Variants in GGCX observed in about 807,000 individuals in gnomAD.
GGCX encodes the protein gamma-glutamyl carboxylase.
A neutral mutation model predicts 88.5 loss-of-function variants in GGCX; 63 were observed. That is an observed-to-expected ratio of 0.71 (90% CI 0.58 to 0.88). GGCX has a LOEUF of 0.88. Among genes scored for constraint, GGCX ranks in the 40% least tolerant of loss-of-function variants. The pLI, the probability that GGCX is intolerant of heterozygous loss-of-function variation, is 0.00. For synonymous variants in GGCX, 368 were observed against 365.8 expected, an observed-to-expected ratio of 1.01 and a Z score of -0.07; for missense variants, 805 against 932.9, an observed-to-expected ratio of 0.86 and a Z score of 1.79.
chr2:85,554,025 C>G, intron 7 of GGCX, 118 bp downstream of exon 7: 1 of 816,414 alleles, frequency 1.2e-6, no homozygotes, highest in Non-Finnish European at 2.2e-6. Flanking sequence ...TAGTGACTGC[C>G]CTGGGTTCAA....
chr2:85,551,838 TCA>T lies in GGCX; in HGVS notation c.1581_1582del (p.Glu528GlyfsTer18). Reference sequence around the variant, plus strand: ...AGGGAAATCTGCAATGAAGACCACCTCAGTGTGGTTGTCTAGGCTGCTCTTGA... The same window carrying T: ...AGGGAAATCTGCAATGAAGACCACCTGTGTGGTTGTCTAGGCTGCTCTTGA... On this transcript the variant is annotated frameshift_variant, in exon 11 of 15. Coordinates refer to ENST00000233838, the MANE Select transcript of GGCX (RefSeq NM_000821.7). LOFTEE classifies it high-confidence loss of function. 1 of 1,613,620 alleles carries T rather than the reference TCA, an allele frequency of 6.2e-7. No individual in the cohort carries two copies. The highest frequency in any genetic ancestry group is 8.5e-7 in the Non-Finnish European group (1 of 1,179,504).
chr2:85,550,517 A>G, intron 14 of GGCX, 38 bp downstream of exon 14: 3 of 1,476,254 alleles, frequency 2.0e-6, no homozygotes, highest in Non-Finnish European at 2.8e-6. Context: ...AAGCTTGCCA[A>G]CATATGATGG....
In GGCX at chr2:85,552,366, T is replaced by G. The variant is rs780228947; in HGVS notation, c.1439+50A>C. The G allele has an allele frequency of 3.2e-6, 5 of 1,562,688 alleles. No homozygotes were observed. In the African/African-American group the frequency reaches 6.8e-5, roughly 21 times the overall value. The stretch of plus-strand genomic sequence containing the variant: ...AGGAAGCAAGGGCTGTTCATCTTGG[T>G]AAAAAGAACTGTGCTTCATTTTTTC... On this transcript the variant is annotated intron_variant, in intron 10 of 14. Transcript: ENST00000233838.
At position 85,548,034 on chromosome 2, in the gene GGCX, T is replaced by C. The variant is rs1691760932; in HGVS notation, c.*1900A>G. On this transcript the variant is annotated 3_prime_UTR_variant, in exon 15 of 15. Transcript: ENST00000233838. Reference sequence around the variant, plus strand: ...CCAATGTGGGAAACCATGTCTCTACTAAAAATACAAAAATTAGTTGGGCGT... The same window carrying C: ...CCAATGTGGGAAACCATGTCTCTACCAAAAATACAAAAATTAGTTGGGCGT... The C allele has an allele frequency of 6.6e-6, 1 of 152,114 alleles. No individual in the cohort carries two copies. Among genetic ancestry groups the C allele is most frequent in the Non-Finnish European group, 1.5e-5 (1 of 68,044 alleles). 9.4% of individuals were successfully genotyped at this position (152,114 alleles called of 1,614,324 possible).
intron 4 of GGCX, among the ~76,000 whole-genome samples, chr2:85,558,156 T>C (rs1055438852): frequency 2.6e-5 from 4 of 152,214 alleles, no homozygotes; most frequent in African/African-American, 9.6e-5. Flanking sequence ...CTGGCTTTAG[T>C]ATTCTGTTTT....
chr2:85,552,078 A>C (rs1203476813), intron 10 of GGCX, 97 bp from the exon 11 acceptor site: 1 of 946,710 alleles, frequency 1.1e-6, no homozygotes, highest in South Asian at 1.3e-5. Context: ...AGGACAGGGA[A>C]TAGAAGAAGA....
chr2:85,554,731 G>A (rs996917741), intron 6 of GGCX: 2 of 268,716 alleles, frequency 7.4e-6, no homozygotes, highest in African/African-American at 4.4e-5. Context: ...GCATCCCAAA[G>A]TGCCGGGATT....
rs186525847 is a variant in GGCX, at chr2:85,546,378, G to C, written c.*3556C>G. ...GTGGAGCTTGCAGTGAGCTGAAATC[G>C]TGCCACCACACTCCGGCCAGGGTAA... On this transcript the variant is annotated 3_prime_UTR_variant, in exon 15 of 15. Coordinates refer to ENST00000233838, the MANE Select transcript of GGCX (RefSeq NM_000821.7). 42 of 152,056 alleles carry C rather than the reference G, an allele frequency of 2.8e-4. No homozygotes were observed. Among genetic ancestry groups the C allele is most frequent in the African/African-American group, 1.0e-3 (42 of 41,412 alleles). 9.4% of individuals were successfully genotyped at this position (152,056 alleles called of 1,614,324 possible).
Position 85,550,038 on chromosome 2 carries a change from A to G in GGCX, c.2173T>C (p.Leu725=). The G allele has an allele frequency of 6.2e-7, 1 of 1,612,432 alleles. No individual in the cohort carries two copies. The highest frequency in any genetic ancestry group is 8.5e-7 in the Non-Finnish European group (1 of 1,178,608). ...TCTCCAACTGCCTCAAAGGGTCTCA[A>G]GTTTGCATAAGTCACCTCCTGGGCC... ...QLAQEVTYAN[L]RPFEAVGELN... Residue 725 remains leucine (L), a synonymous_variant, in exon 15 of 15, where the codon TTG becomes CTG. Transcript: ENST00000233838.
rs747949169 is a variant in GGCX, at chr2:85,556,227, C to T, written c.573G>A (p.Arg191=). 1.9e-6 allele frequency: 3 copies of T among 1,613,086 alleles called. No homozygotes were observed. The highest frequency in any genetic ancestry group is 1.7e-5 in the Admixed American group (1 of 60,000). Residue 191 remains arginine, a synonymous_variant, in exon 5 of 15, where the codon AGG becomes AGA. Transcript: ENST00000233838. ...AGTTCCAAAGGGGCACGTGGGCATT[C>T]CTCCTATGGGCATTCAGCAGACCGT... ...SVDGLLNAHR[R]NAHVPLWNYA...
chr2:85,551,135 C>A lies in GGCX; in HGVS notation c.1741-63G>T, dbSNP rs938486258. 27 of 1,448,510 alleles carry A rather than the reference C, an allele frequency of 1.9e-5. No homozygotes were observed. In the Admixed American group the frequency reaches 4.5e-4, roughly 24 times the overall value. 89.7% of individuals were successfully genotyped at this position (1,448,510 alleles called of 1,614,324 possible). The stretch of plus-strand genomic sequence containing the variant: ...TTTCTCTAGCCAGCTTATGGCCTCC[C>A]TACTCTATGACTCTTGGCTTCTTTC... On this transcript the variant is annotated intron_variant, in intron 12 of 14. Transcript: ENST00000233838.
chr2:85,554,073 A>C, intron 7 of GGCX, 70 bp downstream of exon 7: 1 of 1,260,144 alleles, frequency 7.9e-7, no homozygotes, highest in Non-Finnish European at 1.2e-6. Flanking sequence ...CCACTCCCAA[A>C]CAATGCCTCT....
chr2:85,552,567 C>T lies in GGCX; in HGVS notation c.1288G>A (p.Val430Ile). The T allele has an allele frequency of 6.2e-7, 1 of 1,613,174 alleles. No individual in the cohort carries two copies. Among genetic ancestry groups the T allele is most frequent in the South Asian group, 1.1e-5 (1 of 91,020 alleles). ...TTCCATCGCCGACTCTGTGTAAATA[C>T]CTGCCCCAAACCCCCATATTAGTCC... ...TGELGYLNPG[V>I]FTQSRRWKDH... is the part of the protein sequence containing the mutation. The change falls in exon 10 of 15, where the codon GTA becomes ATA. Residue 430 changes from valine to isoleucine, a missense_variant and splice_region_variant. Val to Ile is a conservative substitution (Grantham distance 29). Around this residue, in one of 3 missense-constraint regions of GGCX, gnomAD observed 680 missense variants for 763.7 expected, o/e 0.89. Transcript: ENST00000233838.
chr2:85,556,083 G>C, intron 5 of GGCX, 99 bp downstream of exon 5: 1 of 788,498 alleles, frequency 1.3e-6, no homozygotes. Flanking sequence ...AAAAACAGAA[G>C]ATCCAGGGAG....
rs1204933957 is a variant in GGCX at position 85,547,259 on chromosome 2, CA to C, written c.*2674del. ...AGTTTCAAAGGGGATGGATACCCAT[CA>C]GGGGCAAAGATCCAAATCCTGAGGG... On this transcript the variant is annotated 3_prime_UTR_variant, in exon 15 of 15. Coordinates refer to ENST00000233838, the MANE Select transcript of GGCX (RefSeq NM_000821.7). 6.6e-6 allele frequency: 1 copy of C among 152,184 alleles called. No individual in the cohort carries two copies. The highest frequency in any genetic ancestry group is 1.5e-5 in the Non-Finnish European group (1 of 68,028). The allele number at this position is 152,184 out of a possible 1,614,324, so 9.4% of individuals were successfully genotyped here.
In GGCX at chr2:85,560,937, T is replaced by A. The variant is rs1406931128; in HGVS notation, c.92A>T (p.Asp31Val). Residue 31 changes from aspartate (D) to valine (V), a missense_variant, in exon 2 of 15, where the codon GAC (aspartate) becomes GTC (valine). Transcript: ENST00000233838. ...KAELISGPRQ[D>V]SRIGKLLGFE... ...ACCCAAGAGTTTCCCTATTCGGCTG[T>A]CCTGCCTGGGCCCTGAGATCAGTTC... The A allele has an allele frequency of 6.2e-7, 1 of 1,614,008 alleles. No individual in the cohort carries two copies. The highest frequency in any genetic ancestry group is 1.7e-5 in the Admixed American group (1 of 60,020).
chr2:85,557,116 G>A (rs1208850091), intron 4 of GGCX, among the ~76,000 whole-genome samples: 1 of 152,164 alleles, frequency 6.6e-6, no homozygotes, highest in Non-Finnish European at 1.5e-5. Flanking sequence ...CAGTGACAGA[G>A]CAAGACCCTG....
At chr2:85,559,418 A>G (rs1256604863) in intron 2 of GGCX, among the ~76,000 whole-genome samples, 1 of 152,188 alleles carries the variant, frequency 6.6e-6, no homozygotes, top group East Asian at 1.9e-4. Flanking sequence ...GAGCTTCAGA[A>G]AGTGCTCTGG....
At chr2:85,559,601 G>A (rs1692347123) in intron 2 of GGCX, among the ~76,000 whole-genome samples, 1 of 152,124 alleles carries the variant, frequency 6.6e-6, no homozygotes, top group African/African-American at 2.4e-5. Context: ...TGTAATCCCA[G>A]CTACTCGGGA....
Sources: gnomAD v4.1 joint callset for allele counts (sites outside exome capture counted in the v4.1 genomes callset) on GRCh38, gnomAD v4.1.1 for gene constraint, gnomAD v4.1.1 regional missense constraint, MANE v1.5 for transcripts, NCBI Gene and HGNC (gene_info 2026-07-23, HGNC 2026-07-21) for gene names.